Variants in MYO3A observed in about 807,000 individuals in gnomAD.
MYO3A encodes the protein myosin IIIA.
A neutral mutation model predicts 192.7 loss-of-function variants in MYO3A; 180 were observed. The ratio of observed to expected loss-of-function variants is 0.93; its 90% CI spans 0.83 to 1.06. The LOEUF (loss-of-function observed/expected upper bound fraction) is 1.06, where lower values mean the gene tolerates loss of function less well. Among genes scored for constraint, MYO3A ranks in the 50% least tolerant of loss-of-function variants. The pLI is 0.00. For synonymous variants in MYO3A, 628 were observed against 645.3 expected (o/e 0.97, Z 0.41); for missense variants, 1,896 against 1,905.0 (o/e 1.00, Z 0.09).
chr10:26,067,065 T>G lies in MYO3A; in HGVS notation c.1044T>G (p.Ile348Met). 1 of 1,601,208 alleles carries G rather than the reference T, an allele frequency of 6.2e-7. No homozygotes were observed. Among genetic ancestry groups the G allele is most frequent in the Non-Finnish European group, 8.6e-7 (1 of 1,168,338 alleles). ...KDVDDLATLE[I>M]LDENTVSEQL... is the part of the protein sequence containing the mutation. ...TAGATGATTTAGCAACCCTAGAAATTTTGGATGAGGTAAGAATTTCAGTTT... is the reference window on the plus strand; with the variant it reads ...TAGATGATTTAGCAACCCTAGAAATGTTGGATGAGGTAAGAATTTCAGTTT... Residue 348 changes from isoleucine (I) to methionine (M), a missense_variant, in exon 11 of 35, where the codon ATT (isoleucine) becomes ATG (methionine). Coordinates refer to ENST00000642920, the MANE Select transcript of MYO3A (RefSeq NM_017433.5).
chr10:25,964,335 A>G (rs1444890940), intron 4 of MYO3A, among the ~76,000 whole-genome samples: 1 of 152,180 alleles, frequency 6.6e-6, no homozygotes, highest in Non-Finnish European at 1.5e-5. Context: ...AATGTCTATT[A>G]GGTGGTAGTC....
At chr10:26,003,716 A>C (rs1840997938) in intron 6 of MYO3A, among the ~76,000 whole-genome samples, 1 of 152,166 alleles carries the variant, frequency 6.6e-6, no homozygotes, top group African/African-American at 2.4e-5. Context: ...AAAGAGACTA[A>C]ATTTAAAGGA....
intron 32 of MYO3A, among the ~76,000 whole-genome samples, chr10:26,194,055 A>T (rs16926655): frequency 1.3e-5 from 2 of 152,072 alleles, no homozygotes; most frequent in African/African-American, 4.8e-5. Context: ...GTGATCCATC[A>T]GTGGCTCTAA....
At chr10:25,998,614 G>A (rs1262815025) in intron 6 of MYO3A, among the ~76,000 whole-genome samples, 2 of 152,014 alleles carry the variant, frequency 1.3e-5, no homozygotes, top group Non-Finnish European at 2.9e-5. Context: ...ATTCTCTCCA[G>A]AAAATAATTT....
At chr10:26,169,059 C>T (rs116173769) in intron 28 of MYO3A, among the ~76,000 whole-genome samples, 185 bp downstream of exon 28, 1,877 of 152,144 alleles carry the variant, frequency 0.012, 51 homozygotes, top group African/African-American at 0.043. Flanking sequence ...TTTGGATAAA[C>T]GTTTTGTCTT....
intron 12 of MYO3A, 129 bp from the exon 13 acceptor site, chr10:26,069,982 A>G (rs1835098429): frequency 3.0e-6 from 2 of 666,064 alleles, no homozygotes; most frequent in South Asian, 1.9e-5. Context: ...GTATGTAATA[A>G]TGTTTTGGTG....
chr10:26,009,379 A>G (rs945196080), intron 6 of MYO3A, among the ~76,000 whole-genome samples: 5 of 152,152 alleles, frequency 3.3e-5, no homozygotes, highest in Non-Finnish European at 5.9e-5. Flanking sequence ...AACTTAAAGT[A>G]TAATAATAAT....
At chr10:26,032,019 A>G (rs921370545) in intron 10 of MYO3A, among the ~76,000 whole-genome samples, 3 of 152,230 alleles carry the variant, frequency 2.0e-5, no homozygotes, top group Non-Finnish European at 4.4e-5. Flanking sequence ...TTTATATACA[A>G]TGCAAAATAA....
intron 11 of MYO3A, 34 bp from the exon 12 acceptor site, chr10:26,068,734 T>C (rs1391010035): frequency 2.2e-6 from 3 of 1,389,370 alleles, no homozygotes; most frequent in Admixed American, 3.4e-5. Flanking sequence ...ACAAATAATT[T>C]TTAAGAAGGA....
intron 10 of MYO3A, among the ~76,000 whole-genome samples, chr10:26,062,576 A>G (rs1834573596): frequency 2.2e-5 from 3 of 138,118 alleles, no homozygotes; most frequent in Non-Finnish European, 4.9e-5. Context: ...GGTATAAGAC[A>G]CTATTTCTGT....
intron 7 of MYO3A, among the ~76,000 whole-genome samples, 175 bp from the exon 8 acceptor site, chr10:26,021,328 T>C (rs1262753404): frequency 6.6e-6 from 1 of 152,208 alleles, no homozygotes. Flanking sequence ...AGAACAAAAA[T>C]ACTACTACCA....
At chr10:26,176,610 G>T in intron 30 of MYO3A, 91 bp from the exon 31 acceptor site, 2 of 1,183,020 alleles carry the variant, frequency 1.7e-6, no homozygotes, top group Non-Finnish European at 2.5e-6. Context: ...GTCCCCAAGA[G>T]TGCTGGTAAG....
intron 17 of MYO3A, among the ~76,000 whole-genome samples, chr10:26,116,704 C>T (rs1838525363): frequency 6.6e-6 from 1 of 152,120 alleles, no homozygotes; most frequent in Non-Finnish European, 1.5e-5. Flanking sequence ...AATCTAGATC[C>T]TGCATTTTTC....
At chr10:26,011,658 C>T (rs890338271) in intron 6 of MYO3A, among the ~76,000 whole-genome samples, 2 of 152,182 alleles carry the variant, frequency 1.3e-5, no homozygotes, top group East Asian at 1.9e-4. Flanking sequence ...AGGACCAGAC[C>T]TATTCACTGA....
chr10:26,057,927 G>A lies in MYO3A; in HGVS notation c.954-9048G>A, dbSNP rs1453400699. The stretch of plus-strand genomic sequence containing the variant: ...CCAGGTAGGCACAGCCTTCTCCACT[G>A]TCAACATCCCACACCACAGTGGTAC... On this transcript the variant is annotated intron_variant, in intron 10 of 34. Transcript: ENST00000642920. Among the ~76,000 whole-genome samples, 5 of 150,516 alleles carry A rather than the reference G, an allele frequency of 3.3e-5. No homozygotes were observed. In the East Asian group the frequency reaches 7.7e-4, roughly 23 times the overall value.
At chr10:26,061,211 G>A (rs528035287) in intron 10 of MYO3A, among the ~76,000 whole-genome samples, 1 of 152,216 alleles carries the variant, frequency 6.6e-6, no homozygotes, top group Admixed American at 6.5e-5. Context: ...TTACAGGTGT[G>A]AGCCACCACG....
chr10:26,176,724 T>C lies in MYO3A; in HGVS notation c.4317T>C (p.Tyr1439=). 6.2e-7 allele frequency: 1 copy of C among 1,610,336 alleles called. No individual in the cohort carries two copies. The highest frequency in any genetic ancestry group is 8.5e-7 in the Non-Finnish European group (1 of 1,176,628). The change falls in exon 31 of 35, where the codon TAT becomes TAC. Residue 1439 remains tyrosine, a synonymous_variant. Coordinates refer to ENST00000642920, the MANE Select transcript of MYO3A (RefSeq NM_017433.5). The part of the protein sequence containing the change: ...SKQISKLSEE[Y]FILQKKLNEM... ...AGATATCAAAGTTATCTGAAGAATA[T>C]TTCATTCTGCAGAAAAAATTGAATG...
intron 10 of MYO3A, among the ~76,000 whole-genome samples, chr10:26,037,869 C>A (rs1403996493): frequency 6.6e-6 from 1 of 152,154 alleles, no homozygotes; most frequent in Non-Finnish European, 1.5e-5. Flanking sequence ...CTCATGACAA[C>A]AGCAAGGAGG....
chr10:26,045,493 C>G (rs1469880345), intron 10 of MYO3A, among the ~76,000 whole-genome samples: 1 of 152,136 alleles, frequency 6.6e-6, no homozygotes, highest in African/African-American at 2.4e-5. Context: ...CCTTGTATTT[C>G]CTGAGTGACT....
Sources: gnomAD v4.1 joint callset for allele counts (sites outside exome capture counted in the v4.1 genomes callset) on GRCh38, gnomAD v4.1.1 for gene constraint, MANE v1.5 for transcripts, NCBI Gene and HGNC (gene_info 2026-07-23, HGNC 2026-07-21) for gene names.